Variants in RAD23A observed in about 807,000 individuals in gnomAD.
The protein encoded by RAD23A is lysine-specific demethylase RAD23A.
A neutral mutation model predicts 44.8 loss-of-function variants in RAD23A; 16 were observed. The ratio of observed to expected loss-of-function variants is 0.36; its 90% CI spans 0.24 to 0.54. The LOEUF is 0.54. Among genes scored for constraint, RAD23A ranks in the 20% least tolerant of loss-of-function variants. The pLI, the probability that RAD23A is intolerant of heterozygous loss-of-function variation, is 0.89. For missense variants in RAD23A, 380 were observed against 483.3 expected (o/e 0.79, Z 2.00); for synonymous variants, 217 against 202.9 (o/e 1.07, Z -0.59).
At chr19:12,947,411 G>A (rs1346060832) in intron 1 of RAD23A, among the ~76,000 whole-genome samples, 1 of 152,186 alleles carries the variant, frequency 6.6e-6, no homozygotes, top group Non-Finnish European at 1.5e-5. Context: ...GGGCGGCAGC[G>A]AGATCCTGCC....
intron 7 of RAD23A, among the ~76,000 whole-genome samples, chr19:12,950,598 T>A (rs1193352241): frequency 6.6e-6 from 1 of 152,118 alleles, no homozygotes; most frequent in Non-Finnish European, 1.5e-5. Flanking sequence ...AGATGGGATT[T>A]CACCCTGTTA....
At position 12,953,581 on chromosome 19, in the gene RAD23A, C is replaced by T. The variant is rs1971875706; in HGVS notation, c.*532C>T. The T allele has an allele frequency of 6.5e-6, 1 of 153,678 alleles. No homozygotes were observed. Among genetic ancestry groups the T allele is most frequent in the Non-Finnish European group, 1.5e-5 (1 of 68,910 alleles). 9.5% of individuals were successfully genotyped at this position (153,678 alleles called of 1,614,324 possible). A position where few individuals can be genotyped will look rare whatever the true frequency, so the allele number is the denominator to read the frequency against. Reference sequence around the variant, plus strand: ...ATCAGCTCATTGTCAAGGCCACCCCCACCCCAGAACAGAACCGTGTCTCTG... The same window carrying T: ...ATCAGCTCATTGTCAAGGCCACCCCTACCCCAGAACAGAACCGTGTCTCTG... On this transcript the variant is annotated 3_prime_UTR_variant, in exon 9 of 9. Coordinates refer to ENST00000586534, the MANE Select transcript of RAD23A (RefSeq NM_005053.4).
rs538175343 is a variant in RAD23A, at chr19:12,948,204, C to A, written c.262C>A (p.Pro88Thr). ...KTKAGQGTSA[P>T]PEASPTAAPE... The stretch of plus-strand genomic sequence containing the variant: ...CAAAGCCGGCCAGGGTACCTCAGCA[C>A]CCCCAGAGGCCTCACCCACAGCTGC... Residue 88 changes from proline (P) to threonine (T), a missense_variant, in exon 3 of 9, where the codon CCC becomes ACC. By Grantham distance (38) the Pro-to-Thr change is conservative. This residue lies in a region of RAD23A where 279 missense variants were observed against 313.7 expected (regional missense o/e 0.89). Coordinates refer to ENST00000586534, the MANE Select transcript of RAD23A (RefSeq NM_005053.4). This position sits in a 1 kb window ranked among gnomAD's most constrained non-coding sequence, Gnocchi z 5.5. 6 of 1,614,062 alleles carry A rather than the reference C, an allele frequency of 3.7e-6. No homozygotes were observed. In the East Asian group the frequency reaches 8.9e-5, roughly 24 times the overall value.
Position 12,948,333 on chromosome 19 carries a change from A to G in RAD23A, c.391A>G (p.Thr131Ala), listed in dbSNP as rs11558955. 53,791 of 1,599,326 alleles carry G rather than the reference A, an allele frequency of 0.034. 1,068 individuals are homozygous for G. The highest frequency in any genetic ancestry group is 0.084 in the African/African-American group (6,259 of 74,550). Residue 131 changes from threonine (T) to alanine (A), a missense_variant, in exon 3 of 9, where the codon ACG becomes GCG. By Grantham distance (58) the Thr-to-Ala change is moderately conservative (BLOSUM62 0). This residue lies in a region of RAD23A where 279 missense variants were observed against 313.7 expected (regional missense o/e 0.89). Transcript: ENST00000586534. This position sits in a 1 kb window ranked among gnomAD's most constrained non-coding sequence, Gnocchi z 5.5. ...GAGCCCATCAGAGGAATCCGCCCCC[A>G]CGACGTCCCCAGAGTCTGTGTCAGG... is the stretch of plus-strand genomic sequence containing the variant. Reference protein sequence around the residue: ...DKSPSEESAPTTSPESVSGSV... With the variant: ...DKSPSEESAPATSPESVSGSV...
In RAD23A at chr19:12,948,841, A is replaced by C; in HGVS notation, c.600+28A>C. The C allele has an allele frequency of 6.3e-7, 1 of 1,578,812 alleles. No individual in the cohort carries two copies. Among genetic ancestry groups the C allele is most frequent in the Non-Finnish European group, 8.6e-7 (1 of 1,166,628 alleles). ...GAGGTGGGGCTTCCGCCTCCCGGGG[A>C]GGCCTTGAGGGAGTACCCGGGCGTC... is the stretch of plus-strand genomic sequence containing the variant. On this transcript the variant is annotated intron_variant, in intron 5 of 8. Coordinates refer to ENST00000586534, the MANE Select transcript of RAD23A (RefSeq NM_005053.4). This position sits in a 1 kb window ranked among gnomAD's most constrained non-coding sequence, Gnocchi z 5.5.
chr19:12,950,622 C>G (rs535386015), intron 7 of RAD23A, among the ~76,000 whole-genome samples: 2 of 152,280 alleles, frequency 1.3e-5, no homozygotes, highest in Non-Finnish European at 1.5e-5. Context: ...AGGATGGTCT[C>G]AATCTCCTGA....
In RAD23A at chr19:12,952,767, G is replaced by C; in HGVS notation, c.892G>C (p.Glu298Gln). ...GGAGCTGGCGGACATCTCAGATGTG[G>C]AGGGGGAGGTGGGCGCCATAGGAGA... ...PGELADISDV[E>Q]GEVGAIGEEA... Residue 298 changes from glutamate to glutamine, a missense_variant, in exon 8 of 9, where the codon GAG becomes CAG. This residue lies in a region of RAD23A where 279 missense variants were observed against 313.7 expected (regional missense o/e 0.89). Transcript: ENST00000586534. The C allele has an allele frequency of 6.2e-7, 1 of 1,603,338 alleles. No homozygotes were observed. Among genetic ancestry groups the C allele is most frequent in the Non-Finnish European group, 8.5e-7 (1 of 1,175,088 alleles).
Position 12,948,692 on chromosome 19 carries a change from G to T in RAD23A, c.479G>T (p.Gly160Val). 6.2e-7 allele frequency: 1 copy of T among 1,612,480 alleles called. No homozygotes were observed. The highest frequency in any genetic ancestry group is 8.5e-7 in the Non-Finnish European group (1 of 1,179,644). The change falls in exon 5 of 9, where the codon GGC becomes GTC. Residue 160 changes from glycine to valine, a missense_variant. Around this residue, in one of 3 missense-constraint regions of RAD23A, gnomAD observed 279 missense variants for 313.7 expected, o/e 0.89. Transcript: ENST00000586534. This position sits in a 1 kb window ranked among gnomAD's most constrained non-coding sequence, Gnocchi z 5.5. ...TTTGCTGCTTCCTCCACAGTGACGG[G>T]CTCTGAGTATGAGACGATGCTGACG... ...EEDAASTLVT[G>V]SEYETMLTEI...
chr19:12,948,346 A>C lies in RAD23A; in HGVS notation c.404A>C (p.Glu135Ala). 6.3e-7 allele frequency: 1 copy of C among 1,590,578 alleles called. No individual in the cohort carries two copies. Residue 135 changes from glutamate to alanine, a missense_variant, in exon 3 of 9, where the codon GAG (glutamate) becomes GCG (alanine). Coordinates refer to ENST00000586534, the MANE Select transcript of RAD23A (RefSeq NM_005053.4). The surrounding 1 kb of genome is among the most constrained non-coding windows in gnomAD (Gnocchi z 5.5). ...SEESAPTTSPESVSGSVPSSG... is the reference protein window; with the variant it reads ...SEESAPTTSPASVSGSVPSSG... ...GAATCCGCCCCCACGACGTCCCCAGAGTCTGTGTCAGGGTAAGGCGGGGGC... is the reference window on the plus strand; with the variant it reads ...GAATCCGCCCCCACGACGTCCCCAGCGTCTGTGTCAGGGTAAGGCGGGGGC...
At position 12,949,290 on chromosome 19, in the gene RAD23A, T is replaced by G; in HGVS notation, c.695T>G (p.Leu232Arg). The stretch of plus-strand genomic sequence containing the variant: ...CTACTACCAGCAGGAGAGAACCCCC[T>G]GGAGTTCCTGCGGGACCAGCCCCAG... ...PATEAAGENPLEFLRDQPQFQ... is the reference protein window; with the variant it reads ...PATEAAGENPREFLRDQPQFQ... Residue 232 changes from leucine to arginine, a missense_variant, in exon 7 of 9, where the codon CTG becomes CGG. Coordinates refer to ENST00000586534, the MANE Select transcript of RAD23A (RefSeq NM_005053.4). The G allele has an allele frequency of 1.2e-6, 2 of 1,614,108 alleles. No individual in the cohort carries two copies. Among genetic ancestry groups the G allele is most frequent in the Non-Finnish European group, 1.7e-6 (2 of 1,179,956 alleles).
rs764747741 is a variant in RAD23A, at chr19:12,948,847, T to C, written c.600+34T>C. 2 of 1,577,110 alleles carry C rather than the reference T, an allele frequency of 1.3e-6. No individual in the cohort carries two copies. The highest frequency in any genetic ancestry group is 3.7e-5 in the Admixed American group (2 of 53,514). On this transcript the variant is annotated intron_variant, in intron 5 of 8. Coordinates refer to ENST00000586534, the MANE Select transcript of RAD23A (RefSeq NM_005053.4). The surrounding 1 kb of genome is among the most constrained non-coding windows in gnomAD (Gnocchi z 5.5). Reference sequence around the variant, plus strand: ...GGGCTTCCGCCTCCCGGGGAGGCCTTGAGGGAGTACCCGGGCGTCACTGCC... The same window carrying C: ...GGGCTTCCGCCTCCCGGGGAGGCCTCGAGGGAGTACCCGGGCGTCACTGCC...
At chr19:12,946,059 G>GGGGGGGGGGT in intron 1 of RAD23A, 39 bp downstream of exon 1, 1 of 213,198 alleles carries the variant, frequency 4.7e-6, no homozygotes, top group Non-Finnish European at 8.4e-6. Flanking sequence ...GGAGCGACGG[G>GGGGGGGGGGT]TTTCGGGGGT....
intron 1 of RAD23A, 64 bp downstream of exon 1, chr19:12,946,084 G>GGGGGGGGGGGGGGGT: frequency 5.9e-6 from 3 of 512,140 alleles, no homozygotes; most frequent in Non-Finnish European, 1.1e-5. Context: ...TGGGGGCGGG[G>GGGGGGGGGGGGGGGT]AGGCTAGAAT....
chr19:12,950,212 G>A (rs1317229125), intron 7 of RAD23A, among the ~76,000 whole-genome samples: 2 of 152,108 alleles, frequency 1.3e-5, no homozygotes, highest in Non-Finnish European at 2.9e-5. Context: ...CCCGATCTCT[G>A]CAAGGATTAG....
chr19:12,948,935 C>A lies in RAD23A; in HGVS notation c.600+122C>A. On this transcript the variant is annotated intron_variant, in intron 5 of 8. Transcript: ENST00000586534. This position sits in a 1 kb window ranked among gnomAD's most constrained non-coding sequence, Gnocchi z 5.5. ...AGCCTTTGGGTAGTGATTCTAGCCA[C>A]TAAAGGCTTCCCACAGGAGGCTGGA... 2.0e-6 allele frequency: 3 copies of A among 1,536,458 alleles called. No individual in the cohort carries two copies. Among genetic ancestry groups the A allele is most frequent in the Non-Finnish European group, 2.7e-6 (3 of 1,128,496 alleles).
Position 12,948,813 on chromosome 19 carries a change from G to C in RAD23A, c.600G>C (p.Thr200=). The C allele has an allele frequency of 6.2e-7, 1 of 1,600,130 alleles. No homozygotes were observed. The highest frequency in any genetic ancestry group is 8.5e-7 in the Non-Finnish European group (1 of 1,175,324). ...NPHRAVEYLL[T]GIPGSPEPEH... ...ACCGAGCCGTGGAGTATCTGCTCAC[G>C]GTGAGGTGGGGCTTCCGCCTCCCGG... Residue 200 remains threonine, a splice_region_variant and synonymous_variant, in exon 5 of 9, where the codon ACG becomes ACC. Coordinates refer to ENST00000586534, the MANE Select transcript of RAD23A (RefSeq NM_005053.4). The surrounding 1 kb of genome is among the most constrained non-coding windows in gnomAD (Gnocchi z 5.5).
Position 12,948,977 on chromosome 19 carries a change from G to A in RAD23A, c.601-104G>A. On this transcript the variant is annotated intron_variant, in intron 5 of 8. Transcript: ENST00000586534. The surrounding 1 kb of genome is among the most constrained non-coding windows in gnomAD (Gnocchi z 5.5). ...GAGGCTGGATGTGAGTGATGGGTGG[G>A]CCTCTGGAGGGCAGGGCCGAGGCCT... 1 of 1,521,412 alleles carries A rather than the reference G, an allele frequency of 6.6e-7. No homozygotes were observed. Among genetic ancestry groups the A allele is most frequent in the Non-Finnish European group, 9.0e-7 (1 of 1,113,552 alleles). The allele number at this position is 1,521,412 out of a possible 1,614,324, so 94.2% of individuals were successfully genotyped here.
At position 12,953,440 on chromosome 19, in the gene RAD23A, C is replaced by T; in HGVS notation, c.*391C>T. 1 of 156,526 alleles carries T rather than the reference C, an allele frequency of 6.4e-6. No homozygotes were observed. Among genetic ancestry groups the T allele is most frequent in the Admixed American group, 6.5e-5 (1 of 15,378 alleles). The allele number at this position is 156,526 out of a possible 1,614,324, so 9.7% of individuals were successfully genotyped here. On this transcript the variant is annotated 3_prime_UTR_variant, in exon 9 of 9. Coordinates refer to ENST00000586534, the MANE Select transcript of RAD23A (RefSeq NM_005053.4). Reference sequence around the variant, plus strand: ...TTCTAGGATGAGGGGAAGCTGGAGCCCCAACTTTGATCCTCCATTGGAGTG... The same window carrying T: ...TTCTAGGATGAGGGGAAGCTGGAGCTCCAACTTTGATCCTCCATTGGAGTG...
At position 12,948,626 on chromosome 19, in the gene RAD23A, G is replaced by C; in HGVS notation, c.473-60G>C. 15 of 1,583,520 alleles carry C rather than the reference G, an allele frequency of 9.5e-6. No homozygotes were observed. The South Asian group carries it at 1.6e-4, about 17-fold the overall frequency. On this transcript the variant is annotated intron_variant, in intron 4 of 8. Coordinates refer to ENST00000586534, the MANE Select transcript of RAD23A (RefSeq NM_005053.4). This position sits in a 1 kb window ranked among gnomAD's most constrained non-coding sequence, Gnocchi z 5.5. Reference sequence around the variant, plus strand: ...AGCTGGGCCTTGTCTGGGTGCGGGAGGGCCTGGGAGCTGCCCTTTCCTCTT... The same window carrying C: ...AGCTGGGCCTTGTCTGGGTGCGGGACGGCCTGGGAGCTGCCCTTTCCTCTT...
Sources: allele counts gnomAD v4.1 joint callset (sites outside exome capture counted in the v4.1 genomes callset), GRCh38; gene constraint gnomAD v4.1.1; regional missense constraint gnomAD v4.1.1; non-coding constraint Gnocchi (gnomAD v3.1); transcripts MANE v1.5; gene names NCBI Gene and HGNC (gene_info 2026-07-23, HGNC 2026-07-21).